MAP1A: variants seen among roughly 807,000 people sequenced by gnomAD.
MAP1A encodes the protein microtubule associated protein 1A, also known as microtubule-associated protein 1A.
A neutral mutation model predicts 185.9 loss-of-function variants in MAP1A; 42 were observed. That is an observed-to-expected ratio of 0.23 (90% CI 0.18 to 0.29). The LOEUF (loss-of-function observed/expected upper bound fraction) is 0.29. Among genes scored for constraint, MAP1A ranks in the 10% least tolerant of loss-of-function variants. The probability of loss-of-function intolerance (pLI) is 1.00; values close to 1 mark genes in which losing one functional copy is unlikely to be tolerated. For synonymous variants in MAP1A, 1,229 were observed against 1,335.9 expected, an observed-to-expected ratio of 0.92 and a Z score of 1.74; for missense variants, 2,995 against 3,450.4, an observed-to-expected ratio of 0.87 and a Z score of 3.31.
chr15:43,523,825 C>T lies in MAP1A; in HGVS notation c.2352C>T (p.Phe784=), dbSNP rs746578548. 31 of 1,613,922 alleles carry T rather than the reference C, an allele frequency of 1.9e-5. No individual in the cohort carries two copies. The South Asian group carries it at 2.3e-4, about 12-fold the overall frequency. The part of the protein sequence containing the change: ...DLPGPEGAGP[F]EASQPADSAV... ...CCGGGCCTGAAGGTGCTGGCCCATT[C>T]GAAGCCAGCCAACCTGCCGATAGTG... is the stretch of plus-strand genomic sequence containing the variant. The change falls in exon 4 of 6, where the codon TTC becomes TTT. Residue 784 remains phenylalanine, a synonymous_variant. Transcript: ENST00000300231.
In MAP1A at chr15:43,521,056, C is replaced by T. The variant is rs377197708; in HGVS notation, c.-207C>T. 1.9e-5 allele frequency: 30 copies of T among 1,550,240 alleles called. No individual in the cohort carries two copies. The highest frequency in any genetic ancestry group is 1.5e-4 in the East Asian group (6 of 40,936). On this transcript the variant is annotated 5_prime_UTR_variant, in exon 3 of 6. Transcript: ENST00000300231. The surrounding 1 kb of genome is among the most constrained non-coding windows in gnomAD (Gnocchi z 4.6). ...TTTAGAGCCTGGGGGAGACCTCATC[C>T]TACAGAGTGGCACCTACTCATATGA... is the stretch of plus-strand genomic sequence containing the variant.
chr15:43,521,249 A>AT lies in MAP1A; in HGVS notation c.-150-73dup. 6.7e-7 allele frequency: 1 copy of AT among 1,487,788 alleles called. No homozygotes were observed. The highest frequency in any genetic ancestry group is 8.9e-7 in the Non-Finnish European group (1 of 1,122,788). The allele number at this position is 1,487,788 out of a possible 1,614,324, so 92.2% of individuals were successfully genotyped here. A position where few individuals can be genotyped will look rare whatever the true frequency, so the allele number is the denominator to read the frequency against. ...GAGTCCACCTTGGAAAGAGGTGAAG[A>AT]TTAGGGTACTGAATCTAAGTCAGAC... On this transcript the variant is annotated intron_variant, in intron 3 of 5. Transcript: ENST00000300231. The surrounding 1 kb of genome is among the most constrained non-coding windows in gnomAD (Gnocchi z 4.6).
In MAP1A at chr15:43,521,321, T is replaced by C; in HGVS notation, c.-150-3T>C. On this transcript the variant is annotated splice_polypyrimidine_tract_variant and splice_region_variant and intron_variant, in intron 3 of 5. Coordinates refer to ENST00000300231, the MANE Select transcript of MAP1A (RefSeq NM_002373.6). This position sits in a 1 kb window ranked among gnomAD's most constrained non-coding sequence, Gnocchi z 4.6. Reference sequence around the variant, plus strand: ...ATCAGGTTTCTATCTCCTATTCTTCTAGATTTCCCAATTGCTCAGCAATAG... The same window carrying C: ...ATCAGGTTTCTATCTCCTATTCTTCCAGATTTCCCAATTGCTCAGCAATAG... The C allele has an allele frequency of 6.2e-7, 1 of 1,604,070 alleles. No homozygotes were observed.
Position 43,511,010 on chromosome 15 carries a change from G to C in MAP1A, c.22G>C (p.Ala8Pro), listed in dbSNP as rs1305696400. The stretch of plus-strand genomic sequence containing the variant: ...TTCCATGGAGACCGAGGCCGAGCCT[G>C]CGCGGCCTCACGGCGTTGCCATGGA... Residue 8 changes from alanine (A) to proline (P), a missense_variant, in exon 1 of 7, where the codon GCG becomes CCG. Transcript: ENST00000382031. The C allele has an allele frequency of 3.2e-6, 5 of 1,545,964 alleles. No homozygotes were observed. In the African/African-American group the frequency reaches 4.1e-5, roughly 13 times the overall value.
Position 43,521,105 on chromosome 15 carries a change from A to G in MAP1A, c.-158A>G, listed in dbSNP as rs2079317542. 1.3e-6 allele frequency: 2 copies of G among 1,546,230 alleles called. No individual in the cohort carries two copies. Among genetic ancestry groups the G allele is most frequent in the South Asian group, 1.2e-5 (1 of 83,980 alleles). On this transcript the variant is annotated 5_prime_UTR_variant, in exon 3 of 6. Coordinates refer to ENST00000300231, the MANE Select transcript of MAP1A (RefSeq NM_002373.6). The surrounding 1 kb of genome is among the most constrained non-coding windows in gnomAD (Gnocchi z 4.6). Reference sequence around the variant, plus strand: ...GAAAACTTTGCCCAGGTCCTTCACAACCCCGAGGTAAGTTCCATGCCAGAG... The same window carrying G: ...GAAAACTTTGCCCAGGTCCTTCACAGCCCCGAGGTAAGTTCCATGCCAGAG...
intron 1 of MAP1A, among the ~76,000 whole-genome samples, chr15:43,519,391 C>T (rs2079311190): frequency 1.3e-5 from 2 of 152,180 alleles, no homozygotes; most frequent in South Asian, 4.1e-4. Flanking sequence ...GGCACCATGG[C>T]TCTGCCTCTT....
At chr15:43,511,963 T>C (rs959010694) in intron 1 of MAP1A, among the ~76,000 whole-genome samples, 2 of 152,222 alleles carry the variant, frequency 1.3e-5, no homozygotes, top group Non-Finnish European at 2.9e-5. Context: ...TAGTCTAAAC[T>C]CTGTCCTTCT....
rs1350360223 is a variant in MAP1A at position 43,511,047 on chromosome 15, G to A, written c.59G>A (p.Gly20Glu). The A allele has an allele frequency of 1.9e-6, 3 of 1,548,948 alleles. No homozygotes were observed. In the East Asian group the frequency reaches 7.3e-5, roughly 38 times the overall value. Reference sequence around the variant, plus strand: ...GGCGTTGCCATGGAGACAACTCCGGGGCTGGGGCTCCGAAGTCCCGGCGCA... The same window carrying A: ...GGCGTTGCCATGGAGACAACTCCGGAGCTGGGGCTCCGAAGTCCCGGCGCA... The change falls in exon 1 of 7, where the codon GGG becomes GAG. Residue 20 changes from glycine to glutamate, a missense_variant. Coordinates refer to the MAP1A transcript ENST00000382031.
Position 43,530,540 on chromosome 15 carries a change from C to G in MAP1A, c.*316C>G, listed in dbSNP as rs1189126063. Reference sequence around the variant, plus strand: ...TTGAATGGGGACTGAGGATGGGTCTCAGAGAGCAACCTCCTCCCTCGTAGA... The same window carrying G: ...TTGAATGGGGACTGAGGATGGGTCTGAGAGAGCAACCTCCTCCCTCGTAGA... On this transcript the variant is annotated 3_prime_UTR_variant, in exon 6 of 6. Coordinates refer to ENST00000300231, the MANE Select transcript of MAP1A (RefSeq NM_002373.6). 3 of 290,078 alleles carry G rather than the reference C, an allele frequency of 1.0e-5. No homozygotes were observed. Among genetic ancestry groups the G allele is most frequent in the Non-Finnish European group, 1.9e-5 (3 of 154,722 alleles). The allele number at this position is 290,078 out of a possible 1,614,324, so 18.0% of individuals were successfully genotyped here. A position where few individuals can be genotyped will look rare whatever the true frequency, so the allele number is the denominator to read the frequency against.
At position 43,527,168 on chromosome 15, in the gene MAP1A, G is replaced by A. The variant is rs946001569; in HGVS notation, c.5695G>A (p.Gly1899Ser). 8.1e-6 allele frequency: 13 copies of A among 1,613,644 alleles called. No homozygotes were observed. The highest frequency in any genetic ancestry group is 1.3e-5 in the African/African-American group (1 of 74,918). The change falls in exon 4 of 6, where the codon GGT becomes AGT. Residue 1899 changes from glycine (G) to serine (S), a missense_variant. By Grantham distance (56) the Gly-to-Ser change is moderately conservative (BLOSUM62 0). This residue lies in a region of MAP1A where 2,728 missense variants were observed against 2,986.0 expected (regional missense o/e 0.91). Coordinates refer to ENST00000300231, the MANE Select transcript of MAP1A (RefSeq NM_002373.6). The stretch of plus-strand genomic sequence containing the variant: ...GCAGGAGGGGGCAGCTGAGTTGGAA[G>A]GTGGGCCATACTCCCCCCTGGGGAA... The part of the protein sequence containing the change: ...AVQEGAAELE[G>S]GPYSPLGKDY...
rs550289070 is a variant in MAP1A, at chr15:43,523,259, G to C, written c.1786G>C (p.Val596Leu). 15 of 1,613,864 alleles carry C rather than the reference G, an allele frequency of 9.3e-6. No individual in the cohort carries two copies. The South Asian group carries it at 1.6e-4, about 18-fold the overall frequency. ...ACATGTGATGAAGGAGAAAGAGCTT[G>C]TCCCAGAGGTCCCTGAGGAACAAGG... ...EEHVMKEKEL[V>L]PEVPEEQGSK... Residue 596 changes from valine (V) to leucine (L), a missense_variant, in exon 4 of 6, where the codon GTC (valine) becomes CTC (leucine). Transcript: ENST00000300231.
chr15:43,525,032 C>T lies in MAP1A; in HGVS notation c.3559C>T (p.Pro1187Ser), dbSNP rs575625852. Residue 1187 changes from proline (P) to serine (S), a missense_variant, in exon 4 of 6, where the codon CCA becomes TCA. Pro to Ser is a moderately conservative substitution (Grantham distance 74). Coordinates refer to ENST00000300231, the MANE Select transcript of MAP1A (RefSeq NM_002373.6). ...ACAGTACCTACACAAAGACCGTTGGCCAGAGGTATCTCCAGAAGACACCCA... is the reference window on the plus strand; with the variant it reads ...ACAGTACCTACACAAAGACCGTTGGTCAGAGGTATCTCCAGAAGACACCCA... ...TEQYLHKDRW[P>S]EVSPEDTQSL... 8 of 1,614,046 alleles carry T rather than the reference C, an allele frequency of 5.0e-6. No individual in the cohort carries two copies. The highest frequency in any genetic ancestry group is 4.4e-5 in the South Asian group (4 of 91,088).
At chr15:43,516,095 A>T (rs1215848694), upstream of MAP1A, among the ~76,000 whole-genome samples, 1 of 152,182 alleles carries the variant, frequency 6.6e-6, no homozygotes, top group African/African-American at 2.4e-5. Flanking sequence ...CAGGGAGGAG[A>T]TAGAAGGCTT....
At position 43,511,090 on chromosome 15, in the gene MAP1A, C is replaced by CG; in HGVS notation, c.103dup (p.Ala35GlyfsTer44). On this transcript the variant is annotated frameshift_variant, in exon 1 of 7. Transcript: ENST00000382031. LOFTEE classifies it high-confidence loss of function. The stretch of plus-strand genomic sequence containing the variant: ...CCGGCGCACCGCTGGCTCAGAACCC[C>CG]GCGGAGCTGCTGTGCGAGGCCGGAG... 1 of 1,550,182 alleles carries CG rather than the reference C, an allele frequency of 6.5e-7. No homozygotes were observed. Among genetic ancestry groups the CG allele is most frequent in the Non-Finnish European group, 8.7e-7 (1 of 1,146,800 alleles).
In MAP1A at chr15:43,525,361, T is replaced by C. The variant is rs772404302; in HGVS notation, c.3888T>C (p.Ser1296=). ...RKSPASSFSH[S]TPSGNGKYLP... The stretch of plus-strand genomic sequence containing the variant: ...CACCTGCCAGCTCATTCTCTCACTC[T>C]ACACCTTCAGGAAATGGGAAGTACT... Residue 1296 remains serine, a synonymous_variant, in exon 4 of 6, where the codon TCT becomes TCC. Coordinates refer to ENST00000300231, the MANE Select transcript of MAP1A (RefSeq NM_002373.6). 8 of 1,614,078 alleles carry C rather than the reference T, an allele frequency of 5.0e-6. No homozygotes were observed. The highest frequency in any genetic ancestry group is 5.9e-6 in the Non-Finnish European group (7 of 1,180,040).
chr15:43,529,223 G>T lies in MAP1A; in HGVS notation c.7750G>T (p.Gly2584Trp). The T allele has an allele frequency of 6.2e-7, 1 of 1,612,222 alleles. No homozygotes were observed. The change falls in exon 4 of 6, where the codon GGG becomes TGG. Residue 2584 changes from glycine (G) to tryptophan (W), a missense_variant. By Grantham distance (184) the Gly-to-Trp change is radical (BLOSUM62 -2). This residue lies in a region of MAP1A where 2,728 missense variants were observed against 2,986.0 expected (regional missense o/e 0.91). Coordinates refer to ENST00000300231, the MANE Select transcript of MAP1A (RefSeq NM_002373.6). The surrounding 1 kb of genome is among the most constrained non-coding windows in gnomAD (Gnocchi z 4.3). ...TGATGTGTGCATGGCTGACCCCGAG[G>T]GGCTCAGCTCAGAGTCTGGGAGAGT... The part of the protein sequence containing the change: ...RPDVCMADPE[G>W]LSSESGRVER...
Position 43,530,441 on chromosome 15 carries a change from G to T in MAP1A, c.*217G>T. ...AACCAAAGTTAACAGGGAGAGGATG[G>T]GGGAGGGGACAAATTAGAATAGGAT... On this transcript the variant is annotated 3_prime_UTR_variant, in exon 6 of 6. Transcript: ENST00000300231. 1 of 586,816 alleles carries T rather than the reference G, an allele frequency of 1.7e-6. No homozygotes were observed. Among genetic ancestry groups the T allele is most frequent in the Non-Finnish European group, 3.0e-6 (1 of 332,610 alleles). 36.4% of individuals were successfully genotyped at this position (586,816 alleles called of 1,614,324 possible). A position where few individuals can be genotyped will look rare whatever the true frequency, so the allele number is the denominator to read the frequency against.
chr15:43,525,854 G>A lies in MAP1A; in HGVS notation c.4381G>A (p.Asp1461Asn), dbSNP rs2245715. 0.15 allele frequency: 236,204 copies of A among 1,610,258 alleles called. 30,066 individuals are homozygous for A. Among genetic ancestry groups the A allele is most frequent in the African/African-American group, 0.62 (46,338 of 74,594 alleles). Residue 1461 changes from aspartate (D) to asparagine (N), a missense_variant, in exon 4 of 6, where the codon GAT becomes AAT. Around this residue, in one of 3 missense-constraint regions of MAP1A, gnomAD observed 2,728 missense variants for 2,986.0 expected, o/e 0.91. Transcript: ENST00000300231. ...GAAAGACAAAGCCTTAGAACAAAAGGATACAGCCCTGGAACAGAAGGACAA... is the reference window on the plus strand; with the variant it reads ...GAAAGACAAAGCCTTAGAACAAAAGAATACAGCCCTGGAACAGAAGGACAA... ...EEKDKALEQK[D>N]TALEQKDKAL...
In MAP1A at chr15:43,527,181, C is replaced by T. The variant is rs976289826; in HGVS notation, c.5708C>T (p.Ser1903Phe). ...GCTGAGTTGGAAGGTGGGCCATACT[C>T]CCCCCTGGGGAAGGACTACCGCAAG... The part of the protein sequence containing the change: ...GAAELEGGPY[S>F]PLGKDYRKAE... Residue 1903 changes from serine (S) to phenylalanine (F), a missense_variant, in exon 4 of 6, where the codon TCC becomes TTC. Coordinates refer to ENST00000300231, the MANE Select transcript of MAP1A (RefSeq NM_002373.6). The T allele has an allele frequency of 1.9e-6, 3 of 1,613,690 alleles. No individual in the cohort carries two copies. Among genetic ancestry groups the T allele is most frequent in the South Asian group, 1.1e-5 (1 of 91,012 alleles).
Sources: gnomAD v4.1 joint callset for allele counts (sites outside exome capture counted in the v4.1 genomes callset) on GRCh38, gnomAD v4.1.1 for gene constraint, gnomAD v4.1.1 regional missense constraint, Gnocchi (gnomAD v3.1) non-coding constraint, MANE v1.5 for transcripts, NCBI Gene and HGNC (gene_info 2026-07-23, HGNC 2026-07-21) for gene names.